The following ANXA10 variants were observed in gnomAD, a reference collection of about 807,000 sequenced individuals.
ANXA10 encodes annexin A10, also known as annexin 14.
ANXA10 carries 49 observed loss-of-function variants against 53.5 expected under a neutral mutation model. The observed-to-expected ratio is 0.92, with a 90% CI of 0.73 to 1.16. The LOEUF is 1.16. Ranked by LOEUF, ANXA10 falls within the 50% of genes most tolerant of loss-of-function variation. The pLI is 0.00. For synonymous variants in ANXA10, 131 were observed against 128.9 expected, an observed-to-expected ratio of 1.02 and a Z score of -0.11; for missense variants, 393 against 394.4, an observed-to-expected ratio of 1.00 and a Z score of 0.03.
intron 3 of ANXA10, among the ~76,000 whole-genome samples, chr4:168,158,230 C>G (rs1391724841): frequency 6.6e-6 from 1 of 152,036 alleles, no homozygotes; most frequent in Non-Finnish European, 1.5e-5. Context: ...AGGCTTATTC[C>G]CAGTTTGTAA....
intron 2 of ANXA10, among the ~76,000 whole-genome samples, chr4:168,128,950 A>G (rs578105194): frequency 6.6e-6 from 1 of 151,874 alleles, no homozygotes; most frequent in Admixed American, 6.6e-5. Context: ...ACAAAAAAAA[A>G]TATTATATAT....
chr4:168,162,398 A>G (rs1241838464), intron 3 of ANXA10, 130 bp from the exon 4 acceptor site: 2 of 689,612 alleles, frequency 2.9e-6, no homozygotes, highest in East Asian at 5.4e-5. Flanking sequence ...TATACATGTG[A>G]ATCAGACTTG....
intron 8 of ANXA10, among the ~76,000 whole-genome samples, chr4:168,178,877 T>A: frequency 6.6e-6 from 1 of 152,322 alleles, no homozygotes; most frequent in South Asian, 2.1e-4. Flanking sequence ...GCTGCTGACA[T>A]AAGCCTATTA....
At chr4:168,098,652 G>A (rs937699198) in intron 1 of ANXA10, among the ~76,000 whole-genome samples, 3 of 152,026 alleles carry the variant, frequency 2.0e-5, no homozygotes, top group African/African-American at 7.2e-5. Flanking sequence ...GTTATCAAAG[G>A]CAGAGTAAAA....
chr4:168,173,599 T>C (rs1415363566), intron 6 of ANXA10, among the ~76,000 whole-genome samples: 1 of 152,134 alleles, frequency 6.6e-6, no homozygotes, highest in East Asian at 1.9e-4. Context: ...TTGGCAGTGG[T>C]GATAAGTGCC....
At chr4:168,158,897 A>G (rs1731734953) in intron 3 of ANXA10, among the ~76,000 whole-genome samples, 1 of 152,136 alleles carries the variant, frequency 6.6e-6, no homozygotes, top group Non-Finnish European at 1.5e-5. Flanking sequence ...CGGATTCCTC[A>G]TGAAGAGCTC....
At chr4:168,156,518 T>G (rs1249050702) in intron 3 of ANXA10, among the ~76,000 whole-genome samples, 1 of 146,636 alleles carries the variant, frequency 6.8e-6, no homozygotes, top group Non-Finnish European at 1.5e-5. Flanking sequence ...GTTTTGTTTT[T>G]TTGAGACGGA....
chr4:168,118,442 C>T (rs1730932788), intron 1 of ANXA10, among the ~76,000 whole-genome samples: 1 of 152,152 alleles, frequency 6.6e-6, no homozygotes, highest in Non-Finnish European at 1.5e-5. Context: ...ATGCTGTGCT[C>T]TCAGCTCCTG....
intron 1 of ANXA10, among the ~76,000 whole-genome samples, chr4:168,097,237 C>G (rs892728901): frequency 1.3e-5 from 2 of 151,950 alleles, no homozygotes; most frequent in African/African-American, 4.8e-5. Flanking sequence ...CATTAGGTTT[C>G]TTTCTCAAAT....
intron 1 of ANXA10, among the ~76,000 whole-genome samples, chr4:168,106,166 G>A (rs955776345): frequency 1.3e-5 from 2 of 151,944 alleles, no homozygotes; most frequent in Non-Finnish European, 2.9e-5. Context: ...TGCAATTGTT[G>A]TTGGTATCTT....
At chr4:168,119,138 T>G (rs1164574919) in intron 1 of ANXA10, among the ~76,000 whole-genome samples, 3 of 152,202 alleles carry the variant, frequency 2.0e-5, no homozygotes, top group Non-Finnish European at 4.4e-5. Flanking sequence ...CTCTTCTTAG[T>G]TCTAAGCATT....
At chr4:168,105,700 T>A (rs2149465194) in intron 1 of ANXA10, among the ~76,000 whole-genome samples, 1 of 152,288 alleles carries the variant, frequency 6.6e-6, no homozygotes, top group Middle Eastern at 3.4e-3. Flanking sequence ...CACATTGTTT[T>A]CCACAATGGT....
At chr4:168,181,617 C>T in intron 9 of ANXA10, 66 bp from the exon 10 acceptor site, 1 of 1,303,078 alleles carries the variant, frequency 7.7e-7, no homozygotes. Flanking sequence ...TATTGTTTCT[C>T]AAATTCTGAC....
chr4:168,165,321 G>T lies in ANXA10; in HGVS notation c.475G>T (p.Val159Phe). The T allele has an allele frequency of 6.4e-7, 1 of 1,568,376 alleles. No homozygotes were observed. The change falls in exon 6 of 12, where the codon GTC becomes TTC. Residue 159 changes from valine (V) to phenylalanine (F), a missense_variant. Val to Phe is a conservative substitution (Grantham distance 50). Transcript: ENST00000359299. ...CTTCAGAGATACTCTCATGAACTTG[G>T]TCCAGGTATGGCATTCCAAAATTTA... ...GHFRDTLMNL[V>F]QGTREEGYTD...
intron 2 of ANXA10, among the ~76,000 whole-genome samples, chr4:168,128,797 C>T (rs1731113789): frequency 6.6e-6 from 1 of 151,936 alleles, no homozygotes; most frequent in South Asian, 2.1e-4. Context: ...TTGCACTGTG[C>T]TTATGTTTGT....
intron 3 of ANXA10, among the ~76,000 whole-genome samples, chr4:168,157,436 T>A (rs975852014): frequency 6.6e-6 from 1 of 151,926 alleles, no homozygotes; most frequent in African/African-American, 2.4e-5. Context: ...CCTGGCTAAT[T>A]GTTATATTTT....
At chr4:168,156,396 T>TTATATATTATATAGTATATATTA (rs1182961175) in intron 3 of ANXA10, among the ~76,000 whole-genome samples, 2 of 109,744 alleles carry the variant, frequency 1.8e-5, no homozygotes, top group Non-Finnish European at 3.5e-5. Flanking sequence ...ATATATTATA[T>TTATATATTATATAGTATATATTA]TATATATTAT....
intron 3 of ANXA10, among the ~76,000 whole-genome samples, chr4:168,149,608 A>G (rs1578916911): frequency 6.6e-6 from 1 of 151,980 alleles, no homozygotes; most frequent in Non-Finnish European, 1.5e-5. Flanking sequence ...TCTGTTCTGG[A>G]GTGTCAGAGA....
chr4:168,164,842 CT>C (rs1731846638), intron 5 of ANXA10, among the ~76,000 whole-genome samples: 1 of 152,098 alleles, frequency 6.6e-6, no homozygotes, highest in Non-Finnish European at 1.5e-5. Flanking sequence ...ACAGTCATCT[CT>C]ATTGCATTCA....
Sources: allele counts gnomAD v4.1 joint callset (sites outside exome capture counted in the v4.1 genomes callset), GRCh38; gene constraint gnomAD v4.1.1; transcripts MANE v1.5; gene names NCBI Gene and HGNC (gene_info 2026-07-23, HGNC 2026-07-21).